Variants in ENOX1 observed in about 807,000 individuals in gnomAD.
ENOX1 encodes ecto-NOX disulfide-thiol exchanger 1, also known as candidate growth-related and time keeping constitutive hydroquinone (NADH) oxidase.
A neutral mutation model predicts 82.5 loss-of-function variants in ENOX1; 42 were observed. The ratio of observed to expected loss-of-function variants is 0.51; its 90% CI spans 0.40 to 0.66. The LOEUF (loss-of-function observed/expected upper bound fraction) is 0.66, where lower values mean the gene tolerates loss of function less well. Ranked by LOEUF, ENOX1 falls within the 30% of genes least tolerant of loss-of-function variation. The probability of loss-of-function intolerance (pLI) is 0.00; values close to 1 mark genes in which losing one functional copy is unlikely to be tolerated. For synonymous variants in ENOX1, 271 were observed against 282.2 expected (o/e 0.96, Z 0.40); for missense variants, 608 against 811.6 (o/e 0.75, Z 3.05).
At chr13:43,578,655 T>A (rs747954347) in intron 2 of ENOX1, among the ~76,000 whole-genome samples, 24 of 152,198 alleles carry the variant, frequency 1.6e-4, no homozygotes, top group Non-Finnish European at 2.5e-4. Context: ...TCACAATGCA[T>A]CCACTTTTCT....
rs770351339 is a variant in ENOX1, at chr13:43,361,471, A to G, written c.209-19T>C. 1 of 1,585,426 alleles carries G rather than the reference A, an allele frequency of 6.3e-7. No individual in the cohort carries two copies. Among genetic ancestry groups the G allele is most frequent in the Non-Finnish European group, 8.5e-7 (1 of 1,172,178 alleles). ...ATTGAGTCTGTAAAGTATACAAGATAACATTTTGACTGGAGATTAAATCCA... is the reference window on the plus strand; with the variant it reads ...ATTGAGTCTGTAAAGTATACAAGATGACATTTTGACTGGAGATTAAATCCA... On this transcript the variant is annotated intron_variant, in intron 5 of 16. Coordinates refer to ENST00000690772, the MANE Select transcript of ENOX1 (RefSeq NM_001347969.2).
At chr13:43,479,302 T>C (rs2058417010) in intron 3 of ENOX1, among the ~76,000 whole-genome samples, 1 of 148,606 alleles carries the variant, frequency 6.7e-6, no homozygotes, top group Admixed American at 6.7e-5. Context: ...GCTGAAACTA[T>C]GGTGCTTGGT....
intron 2 of ENOX1, among the ~76,000 whole-genome samples, chr13:43,611,192 C>T (rs1195952817): frequency 6.6e-6 from 1 of 152,112 alleles, no homozygotes; most frequent in Non-Finnish European, 1.5e-5. Context: ...CACTGATGTT[C>T]CAATGCAAGG....
intron 5 of ENOX1, among the ~76,000 whole-genome samples, chr13:43,365,113 ACTT>A (rs995088082): frequency 3.3e-5 from 5 of 152,028 alleles, no homozygotes; most frequent in Non-Finnish European, 7.4e-5. Context: ...GCCCTTCCTC[ACTT>A]CTTCTCTCTT....
chr13:43,458,109 A>G (rs547357638), intron 3 of ENOX1, among the ~76,000 whole-genome samples: 8 of 152,252 alleles, frequency 5.3e-5, no homozygotes, highest in African/African-American at 1.9e-4. Context: ...TGGACCAATA[A>G]CTTTTTTAAA....
intron 2 of ENOX1, among the ~76,000 whole-genome samples, chr13:43,501,034 A>G (rs1354875371): frequency 6.6e-6 from 1 of 151,828 alleles, no homozygotes; most frequent in East Asian, 1.9e-4. Context: ...CAATATAACA[A>G]TAGTATTTTA....
chr13:43,350,725 G>A (rs150683319), intron 8 of ENOX1, among the ~76,000 whole-genome samples: 2 of 152,216 alleles, frequency 1.3e-5, no homozygotes, highest in African/African-American at 2.4e-5. Flanking sequence ...GATTACAGGC[G>A]TGAGCCACTA....
chr13:43,335,898 T>C (rs1207327149), intron 9 of ENOX1, among the ~76,000 whole-genome samples: 1 of 152,204 alleles, frequency 6.6e-6, no homozygotes, highest in Non-Finnish European at 1.5e-5. Context: ...GAAGTTTTTA[T>C]ACATATTATT....
At chr13:43,441,809 C>T (rs1171710949) in intron 3 of ENOX1, among the ~76,000 whole-genome samples, 2 of 93,450 alleles carry the variant, frequency 2.1e-5, no homozygotes, top group Admixed American at 9.1e-5. Flanking sequence ...TTTTCTCCTT[C>T]GATTTTTTTT....
At chr13:43,381,330 G>A (rs551829668) in intron 5 of ENOX1, among the ~76,000 whole-genome samples, 2 of 151,518 alleles carry the variant, frequency 1.3e-5, no homozygotes, top group South Asian at 4.2e-4. Flanking sequence ...GAAACCAAAA[G>A]GGAAATTTAG....
At chr13:43,729,351 G>A (rs2089187173) in intron 1 of ENOX1, among the ~76,000 whole-genome samples, 1 of 151,952 alleles carries the variant, frequency 6.6e-6, no homozygotes, top group South Asian at 2.1e-4. Context: ...ATTCAGCTAG[G>A]TCTAGGTAAA....
At chr13:43,657,350 G>C (rs933439669) in intron 2 of ENOX1, among the ~76,000 whole-genome samples, 1 of 152,112 alleles carries the variant, frequency 6.6e-6, no homozygotes, top group Non-Finnish European at 1.5e-5. Context: ...GTAGGTGTTG[G>C]CTCACTATTG....
intron 2 of ENOX1, among the ~76,000 whole-genome samples, chr13:43,487,469 T>C (rs1444636312): frequency 6.6e-6 from 1 of 152,190 alleles, no homozygotes; most frequent in African/African-American, 2.4e-5. Context: ...CAGGATTTGG[T>C]GTGAAAGTAG....
chr13:43,278,385 T>C (rs569205662), intron 12 of ENOX1, among the ~76,000 whole-genome samples: 2 of 152,234 alleles, frequency 1.3e-5, no homozygotes, highest in South Asian at 4.2e-4. Flanking sequence ...ATTCTGCATT[T>C]CTATACTAGA....
At chr13:43,215,690 C>T (rs9525753) in intron 16 of ENOX1, among the ~76,000 whole-genome samples, 31,651 of 152,054 alleles carry the variant, frequency 0.21, 3,863 homozygotes, top group Non-Finnish European at 0.28. Flanking sequence ...TAAGCACTTC[C>T]CATGATTGTC....
intron 2 of ENOX1, among the ~76,000 whole-genome samples, chr13:43,542,321 A>G (rs146548864): frequency 0.014 from 2,070 of 149,876 alleles, 40 homozygotes; most frequent in African/African-American, 0.047. Context: ...TTTTGTAGAG[A>G]CAGGGTTTCA....
At chr13:43,568,688 GTT>G (rs5803188) in intron 2 of ENOX1, among the ~76,000 whole-genome samples, 1 of 147,560 alleles carries the variant, frequency 6.8e-6, no homozygotes, top group Non-Finnish European at 1.5e-5. Flanking sequence ...CAACTCCAGA[GTT>G]TTTTTTTTTT....
rs17064731 is a variant in ENOX1 at position 43,578,120 on chromosome 13, C to T, written c.-219+89359G>A. Among the ~76,000 whole-genome samples, 394 of 152,244 alleles carry T rather than the reference C, an allele frequency of 2.6e-3. 1 individual carries two copies. The highest frequency in any genetic ancestry group is 9.0e-3 in the African/African-American group (373 of 41,544). On this transcript the variant is annotated intron_variant, in intron 2 of 16. Transcript: ENST00000690772. Reference sequence around the variant, plus strand: ...TGCTTAGACTTTACCTGACGACACACGACAGCCATTTGAAACGATCTGGCT... The same window carrying T: ...TGCTTAGACTTTACCTGACGACACATGACAGCCATTTGAAACGATCTGGCT...
Position 43,714,854 on chromosome 13 carries a change from G to A in ENOX1, c.-284-47310C>T, listed in dbSNP as rs1190143499. Reference sequence around the variant, plus strand: ...CCTGAATAGCACACTGATGGGTCTTGACTCTATCCAATTTGCCAGTCTGTG... The same window carrying A: ...CCTGAATAGCACACTGATGGGTCTTAACTCTATCCAATTTGCCAGTCTGTG... On this transcript the variant is annotated intron_variant, in intron 1 of 16. Coordinates refer to ENST00000690772, the MANE Select transcript of ENOX1 (RefSeq NM_001347969.2). Among the ~76,000 whole-genome samples the A allele has an allele frequency of 2.0e-5, 3 of 152,104 alleles. No individual in the cohort carries two copies. The East Asian group carries it at 5.8e-4, about 29-fold the overall frequency.
Sources: gnomAD v4.1 joint callset for allele counts (sites outside exome capture counted in the v4.1 genomes callset) on GRCh38, gnomAD v4.1.1 for gene constraint, MANE v1.5 for transcripts, NCBI Gene and HGNC (gene_info 2026-07-23, HGNC 2026-07-21) for gene names.